CFAP92: variants seen among roughly 807,000 people sequenced by gnomAD.
The protein encoded by CFAP92 is cilia and flagella associated protein 92 (putative), also known as uncharacterized protein CFAP92.
Under a neutral mutation model 106.3 loss-of-function variants are expected in CFAP92, and 86 were observed. That is an observed-to-expected ratio of 0.81 (90% CI 0.68 to 0.97). The LOEUF is 0.97. Among genes scored for constraint, CFAP92 ranks in the 50% least tolerant of loss-of-function variants. The pLI, the probability that CFAP92 is intolerant of heterozygous loss-of-function variation, is 0.00. For synonymous variants in CFAP92, 477 were observed against 506.4 expected, an observed-to-expected ratio of 0.94 and a Z score of 0.78; for missense variants, 1,204 against 1,283.8, an observed-to-expected ratio of 0.94 and a Z score of 0.95.
intron 12 of CFAP92, among the ~76,000 whole-genome samples, chr3:128,921,780 G>T (rs1937309180): frequency 6.6e-6 from 1 of 152,134 alleles, no homozygotes; most frequent in Non-Finnish European, 1.5e-5. Context: ...CCTGCCTCAG[G>T]CCCCTCAACA....
intron 9 of CFAP92, among the ~76,000 whole-genome samples, chr3:128,950,345 G>T (rs1429904144): frequency 6.6e-6 from 1 of 152,234 alleles, no homozygotes; most frequent in African/African-American, 2.4e-5. Flanking sequence ...CCCAAAGCTC[G>T]CCTTTTAGGT....
At chr3:129,004,160 C>T (rs1260906659), upstream of CFAP92, 10 of 1,346,872 alleles carry the variant, frequency 7.4e-6, no homozygotes, top group African/African-American at 1.5e-5. Flanking sequence ...ATCCCCCTCC[C>T]ACGCGCTCTC....
At chr3:129,010,494 G>A in the CFAP92 span, among the ~76,000 whole-genome samples, 1 of 151,838 alleles carries the variant, frequency 6.6e-6, no homozygotes, top group Non-Finnish European at 1.5e-5. This position sits in a 1 kb window ranked among gnomAD's most constrained non-coding sequence, Gnocchi z 4.3. Context: ...GGGTGAAAAG[G>A]CTGGGATGGA....
At chr3:128,988,591 C>G (rs760615798) in intron 3 of CFAP92, 137 bp downstream of exon 3, 16 of 807,184 alleles carry the variant, frequency 2.0e-5, no homozygotes, top group Non-Finnish European at 3.1e-5. Context: ...TGCAGATTCC[C>G]ACTCAGGAGG....
At chr3:128,972,049 C>A (rs1234958769) in intron 7 of CFAP92, among the ~76,000 whole-genome samples, 1 of 152,166 alleles carries the variant, frequency 6.6e-6, no homozygotes, top group East Asian at 1.9e-4. Flanking sequence ...CATAGGGGAA[C>A]CTAACAGATG....
intron 9 of CFAP92, among the ~76,000 whole-genome samples, chr3:128,947,952 A>G (rs985544121): frequency 6.6e-6 from 1 of 152,192 alleles, no homozygotes; most frequent in African/African-American, 2.4e-5. Context: ...GAGTTCTTAG[A>G]TGTGACACAG....
At chr3:129,005,997 T>C (rs1275931559), upstream of CFAP92, among the ~76,000 whole-genome samples, 1 of 152,272 alleles carries the variant, frequency 6.6e-6, no homozygotes, top group African/African-American at 2.4e-5. Context: ...AACATTGGCA[T>C]AGCCCTTTAC....
chr3:128,922,487 T>C (rs1459352909), intron 12 of CFAP92, among the ~76,000 whole-genome samples: 1 of 152,206 alleles, frequency 6.6e-6, no homozygotes, highest in Non-Finnish European at 1.5e-5. Flanking sequence ...TTGGTAGTAA[T>C]CCAGCAGGAA....
the CFAP92 span, among the ~76,000 whole-genome samples, chr3:129,023,970 G>A: frequency 2.0e-5 from 3 of 152,192 alleles, no homozygotes; most frequent in Non-Finnish European, 2.9e-5. Context: ...GGTGATAGGA[G>A]TAAACTGGAT....
chr3:128,986,683 A>G (rs1943876599), intron 4 of CFAP92, among the ~76,000 whole-genome samples: 1 of 152,206 alleles, frequency 6.6e-6, no homozygotes. Flanking sequence ...ACCTGCCTCC[A>G]GTATTCCAGT....
At chr3:128,947,867 T>C (rs2107733324) in intron 9 of CFAP92, among the ~76,000 whole-genome samples, 1 of 151,874 alleles carries the variant, frequency 6.6e-6, no homozygotes. Context: ...AAGATATAAA[T>C]GTTAACTATA....
intron 4 of CFAP92, among the ~76,000 whole-genome samples, chr3:128,986,054 A>C (rs1943836023): frequency 6.6e-6 from 1 of 152,154 alleles, no homozygotes; most frequent in Non-Finnish European, 1.5e-5. Flanking sequence ...CATAAATGAA[A>C]GACTGAAAGT....
the CFAP92 span, among the ~76,000 whole-genome samples, chr3:129,011,267 T>C: frequency 6.6e-6 from 1 of 152,188 alleles, no homozygotes; most frequent in African/African-American, 2.4e-5. Flanking sequence ...TGGAACGTAT[T>C]GGACAGGGTG....
chr3:128,911,832 C>G (rs1241631984), intron 15 of CFAP92, among the ~76,000 whole-genome samples: 1 of 152,240 alleles, frequency 6.6e-6, no homozygotes, highest in Non-Finnish European at 1.5e-5. Context: ...TTTACCTGCC[C>G]CTTTACCCAC....
At chr3:128,968,620 C>T (rs1942554912) in intron 8 of CFAP92, 1 of 152,244 alleles carries the variant, frequency 6.6e-6, no homozygotes, top group South Asian at 2.1e-4. Flanking sequence ...ACGTCAGCTC[C>T]TGTGATCCTT....
Position 128,950,193 on chromosome 3 carries a change from G to A in CFAP92, c.1354-4218C>T, listed in dbSNP as rs879919240. On this transcript the variant is annotated intron_variant, in intron 9 of 15. Coordinates refer to ENST00000645291, the MANE Select transcript of CFAP92 (RefSeq NM_001394090.1). ...GCAAATTCCCAGCTCCTTTCTGTCTGTGGGCATTCAGAATGCAGCAGGCTA... is the reference window on the plus strand; with the variant it reads ...GCAAATTCCCAGCTCCTTTCTGTCTATGGGCATTCAGAATGCAGCAGGCTA... Among the ~76,000 whole-genome samples the A allele has an allele frequency of 8.5e-5, 13 of 152,276 alleles. No homozygotes were observed. In the East Asian group the frequency reaches 2.5e-3, roughly 29 times the overall value.
At chr3:128,924,678 C>T (rs1937540273) in intron 12 of CFAP92, among the ~76,000 whole-genome samples, 1 of 151,816 alleles carries the variant, frequency 6.6e-6, no homozygotes, top group African/African-American at 2.4e-5. Context: ...AACTCCCAAC[C>T]TCAGGTGATC....
chr3:128,997,273 T>A (rs1157376119), upstream of CFAP92, among the ~76,000 whole-genome samples: 5 of 152,218 alleles, frequency 3.3e-5, no homozygotes, highest in African/African-American at 2.4e-5. Context: ...ATCAGCTACA[T>A]ACACCTTCTT....
intron 15 of CFAP92, among the ~76,000 whole-genome samples, chr3:128,911,383 AGT>A (rs1482878963): frequency 6.6e-6 from 1 of 151,850 alleles, no homozygotes; most frequent in Non-Finnish European, 1.5e-5. Context: ...AGATTGAGCA[AGT>A]GCAGAGCCCT....
Sources: gnomAD v4.1 joint callset for allele counts (sites outside exome capture counted in the v4.1 genomes callset) on GRCh38, gnomAD v4.1.1 for gene constraint, Gnocchi (gnomAD v3.1) non-coding constraint, MANE v1.5 for transcripts, NCBI Gene and HGNC (gene_info 2026-07-23, HGNC 2026-07-21) for gene names.